The following TAS2R1 variants were observed in gnomAD, a reference collection of about 807,000 sequenced individuals.
The protein encoded by TAS2R1 is taste 2 receptor member 1.
For missense variants in TAS2R1, 370 were observed against 353.4 expected (o/e 1.05, Z -0.38); for synonymous variants, 141 against 134.2 (o/e 1.05, Z -0.35).
At chr5:9,714,693 G>A (rs150887838), upstream of TAS2R1, among the ~76,000 whole-genome samples, 238 of 152,374 alleles carry the variant, frequency 1.6e-3, 1 homozygote, top group Admixed American at 2.7e-3. Context: ...CACTATTCCT[G>A]CTGGTTCGGG....
At chr5:9,745,098 C>G in the TAS2R1 span, among the ~76,000 whole-genome samples, 1 of 152,086 alleles carries the variant, frequency 6.6e-6, no homozygotes, top group Non-Finnish European at 1.5e-5. Flanking sequence ...TGCGGGCAGA[C>G]CAAGTAAGAA....
chr5:9,807,766 T>G, the TAS2R1 span, among the ~76,000 whole-genome samples: 1 of 152,154 alleles, frequency 6.6e-6, no homozygotes, highest in Non-Finnish European at 1.5e-5. Context: ...GACTCAAGGG[T>G]AATGATGAGA....
the TAS2R1 span, among the ~76,000 whole-genome samples, chr5:9,804,099 T>C: frequency 6.6e-6 from 1 of 152,024 alleles, no homozygotes; most frequent in Non-Finnish European, 1.5e-5. Flanking sequence ...TATTCTTATA[T>C]CAGATAAAAC....
At chr5:9,722,937 A>T in the TAS2R1 span, among the ~76,000 whole-genome samples, 1 of 152,176 alleles carries the variant, frequency 6.6e-6, no homozygotes, top group African/African-American at 2.4e-5. Context: ...CAGACAGAGG[A>T]GCTTACCACT....
At chr5:9,876,169 A>T in the TAS2R1 span, among the ~76,000 whole-genome samples, 1 of 151,738 alleles carries the variant, frequency 6.6e-6, no homozygotes, top group African/African-American at 2.4e-5. Flanking sequence ...GGAACTCACG[A>T]GCCCAGCTAC....
chr5:9,710,867 T>TTA lies in TAS2R1; in HGVS notation c.-242+1303_-242+1304dup, dbSNP rs1265296176. Among the ~76,000 whole-genome samples the TTA allele has an allele frequency of 1.2e-4, 16 of 128,074 alleles. No individual in the cohort carries two copies. The East Asian group carries it at 3.3e-3, about 26-fold the overall frequency. 84.0% of individuals were successfully genotyped at this position (128,074 alleles called of 152,430 possible). A position where few individuals can be genotyped will look rare whatever the true frequency, so the allele number is the denominator to read the frequency against. ...CACCCCACACCTGTTAGGATGGTCA[T>TTA]TATATATATATGCATACACACACAC... On this transcript the variant is annotated intron_variant, in intron 1 of 2. Transcript: ENST00000506620.
the TAS2R1 span, chr5:9,889,584 C>G: frequency 6.6e-6 from 1 of 152,098 alleles, no homozygotes; most frequent in Non-Finnish European, 1.5e-5. Context: ...CGGGGGGTAA[C>G]CAGATTTGCA....
At chr5:9,748,677 C>A in the TAS2R1 span, among the ~76,000 whole-genome samples, 1 of 152,098 alleles carries the variant, frequency 6.6e-6, no homozygotes, top group Non-Finnish European at 1.5e-5. Flanking sequence ...ATGAATAAAG[C>A]AAGAACTCAT....
chr5:9,897,088 C>T, the TAS2R1 span, among the ~76,000 whole-genome samples: 1 of 152,206 alleles, frequency 6.6e-6, no homozygotes, highest in African/African-American at 2.4e-5. Context: ...ATGATCTTAA[C>T]TTTTCCTCCA....
At chr5:9,862,085 A>T in the TAS2R1 span, among the ~76,000 whole-genome samples, 1 of 152,134 alleles carries the variant, frequency 6.6e-6, no homozygotes, top group African/African-American at 2.4e-5. Context: ...ACCAGATGAT[A>T]AAGCAGAGCA....
the TAS2R1 span, among the ~76,000 whole-genome samples, chr5:9,888,300 T>C: frequency 6.6e-6 from 1 of 152,074 alleles, no homozygotes; most frequent in Non-Finnish European, 1.5e-5. Flanking sequence ...CCTCTTACTC[T>C]AGTTCTACTA....
the TAS2R1 span, among the ~76,000 whole-genome samples, chr5:9,845,465 A>G: frequency 6.6e-6 from 1 of 152,222 alleles, no homozygotes; most frequent in South Asian, 2.1e-4. Context: ...GGCAAGCTCC[A>G]GATTCAAGGC....
chr5:9,727,124 T>C, the TAS2R1 span, among the ~76,000 whole-genome samples: 1 of 152,216 alleles, frequency 6.6e-6, no homozygotes, highest in Non-Finnish European at 1.5e-5. Context: ...CATGCTTGGA[T>C]GGCGTGTGAT....
chr5:9,823,821 CGAATA>C, the TAS2R1 span, among the ~76,000 whole-genome samples: 20 of 152,218 alleles, frequency 1.3e-4, no homozygotes, highest in East Asian at 3.7e-3. Context: ...ACTACTAATT[CGAATA>C]GAAGTTGTCT....
At chr5:9,811,100 T>G in the TAS2R1 span, among the ~76,000 whole-genome samples, 1 of 152,156 alleles carries the variant, frequency 6.6e-6, no homozygotes, top group East Asian at 1.9e-4. Flanking sequence ...TGGGAGATGA[T>G]TAGGTCATGA....
intron 1 of TAS2R1, among the ~76,000 whole-genome samples, chr5:9,702,534 A>G (rs1456271846): frequency 1.3e-5 from 2 of 152,224 alleles, no homozygotes; most frequent in Non-Finnish European, 2.9e-5. Flanking sequence ...GTCATAGATA[A>G]AGACTGGAAA....
chr5:9,863,286 G>C, the TAS2R1 span, among the ~76,000 whole-genome samples: 1 of 53,376 alleles, frequency 1.9e-5, no homozygotes, highest in Non-Finnish European at 3.7e-5. Context: ...TTTTTTTTTT[G>C]AGATGGAGTC....
At chr5:9,676,150 T>C (rs1207972465) in intron 1 of TAS2R1, among the ~76,000 whole-genome samples, 1 of 152,218 alleles carries the variant, frequency 6.6e-6, no homozygotes, top group Admixed American at 6.5e-5. Context: ...CCATATCACA[T>C]TAATTGATTT....
At chr5:9,813,551 C>T in the TAS2R1 span, among the ~76,000 whole-genome samples, 2 of 152,104 alleles carry the variant, frequency 1.3e-5, no homozygotes, top group Non-Finnish European at 2.9e-5. Context: ...ACAAAGCACC[C>T]TTGACTGCAC....
Sources: allele counts gnomAD v4.1 joint callset (sites outside exome capture counted in the v4.1 genomes callset), GRCh38; gene constraint gnomAD v4.1.1; transcripts MANE v1.5; gene names NCBI Gene and HGNC (gene_info 2026-07-23, HGNC 2026-07-21).